RAPGEF6: variants seen among roughly 807,000 people sequenced by gnomAD.
The protein encoded by RAPGEF6 is Rap guanine nucleotide exchange factor 6.
A neutral mutation model predicts 171.4 loss-of-function variants in RAPGEF6; 56 were observed. That is an observed-to-expected ratio of 0.33 (90% CI 0.26 to 0.41). The LOEUF is 0.41. Among genes scored for constraint, RAPGEF6 ranks in the 10% least tolerant of loss-of-function variants. The pLI is 1.00. For missense variants in RAPGEF6, 1,674 were observed against 1,921.4 expected (o/e 0.87, Z 2.41); for synonymous variants, 692 against 650.1 (o/e 1.06, Z -0.98).
At chr5:131,486,725 A>ATT (rs1561502894) in intron 15 of RAPGEF6, among the ~76,000 whole-genome samples, 1 of 115,906 alleles carries the variant, frequency 8.6e-6, no homozygotes, top group African/African-American at 3.0e-5. Flanking sequence ...TCAAGGGATA[A>ATT]ATTTTTTTTT....
chr5:131,483,169 T>C (rs962879787), intron 15 of RAPGEF6, among the ~76,000 whole-genome samples: 1 of 151,746 alleles, frequency 6.6e-6, no homozygotes, highest in African/African-American at 2.4e-5. Flanking sequence ...GCCAAAATGG[T>C]GAAACTCCAT....
chr5:131,512,784 G>A (rs1330638928), intron 7 of RAPGEF6, among the ~76,000 whole-genome samples: 4 of 152,102 alleles, frequency 2.6e-5, no homozygotes, highest in Admixed American at 2.6e-4. Flanking sequence ...CTCACGAATG[G>A]GATTAGTATA....
rs1751370023 is a variant in RAPGEF6, at chr5:131,425,869, C to T, written c.*1397G>A. 1 of 136,620 alleles carries T rather than the reference C, an allele frequency of 7.3e-6. No homozygotes were observed. Among genetic ancestry groups the T allele is most frequent in the Non-Finnish European group, 1.5e-5 (1 of 65,882 alleles). The allele number at this position is 136,620 out of a possible 1,614,324, so 8.5% of individuals were successfully genotyped here. A position where few individuals can be genotyped will look rare whatever the true frequency, so the allele number is the denominator to read the frequency against. On this transcript the variant is annotated 3_prime_UTR_variant, in exon 28 of 28. Coordinates refer to ENST00000509018, the MANE Select transcript of RAPGEF6 (RefSeq NM_016340.6). ...TGGCTCCAAGTTGATCTGGGTAGTG[C>T]ACGTTAATGGCTTTGGCTTTTTTTT...
At chr5:131,583,415 T>A (rs1763078628) in intron 4 of RAPGEF6, among the ~76,000 whole-genome samples, 1 of 152,244 alleles carries the variant, frequency 6.6e-6, no homozygotes, top group Non-Finnish European at 1.5e-5. Context: ...AGGCAAGGAT[T>A]AAGTCACACC....
chr5:131,473,955 A>G (rs964748886), intron 16 of RAPGEF6, among the ~76,000 whole-genome samples: 5 of 152,178 alleles, frequency 3.3e-5, no homozygotes, highest in Admixed American at 1.3e-4. Context: ...TAGTGTTTCA[A>G]GGGCAAGCTT....
chr5:131,440,737 CAAAAAAAAAAAAAA>C (rs1168441695), intron 23 of RAPGEF6, among the ~76,000 whole-genome samples: 4 of 66,858 alleles, frequency 6.0e-5, no homozygotes, highest in East Asian at 3.9e-4. Flanking sequence ...GACTCTGTCT[CAAAAAAAAAAAAAA>C]AAAAAAAAAA....
At chr5:131,627,324 CAACT>C (rs1765997378) in intron 1 of RAPGEF6, among the ~76,000 whole-genome samples, 1 of 152,154 alleles carries the variant, frequency 6.6e-6, no homozygotes. Context: ...TAGCCTATAA[CAACT>C]AACTGAAACC....
chr5:131,614,681 G>A (rs534732940), intron 1 of RAPGEF6, among the ~76,000 whole-genome samples: 4 of 152,206 alleles, frequency 2.6e-5, no homozygotes, highest in African/African-American at 7.2e-5. Context: ...CCATATCAAG[G>A]GTCTACAACA....
chr5:131,602,433 A>C (rs571267467), intron 3 of RAPGEF6, among the ~76,000 whole-genome samples: 4 of 152,312 alleles, frequency 2.6e-5, no homozygotes, highest in African/African-American at 9.6e-5. Context: ...AAATAACAGA[A>C]TGTTAATAGA....
At chr5:131,522,437 ATTGC>A (rs1392865193) in intron 6 of RAPGEF6, among the ~76,000 whole-genome samples, 1 of 152,204 alleles carries the variant, frequency 6.6e-6, no homozygotes, top group African/African-American at 2.4e-5. Context: ...AGGGTTCCTC[ATTGC>A]TTTACTAATG....
intron 15 of RAPGEF6, among the ~76,000 whole-genome samples, chr5:131,481,426 G>A (rs866347449): frequency 6.6e-6 from 1 of 150,830 alleles, no homozygotes; most frequent in Admixed American, 6.6e-5. Flanking sequence ...ATGGGGTTTC[G>A]ACATGTTGCC....
intron 4 of RAPGEF6, among the ~76,000 whole-genome samples, chr5:131,585,034 AGCATAAGG>A (rs1763163329): frequency 1.3e-5 from 2 of 152,236 alleles, no homozygotes; most frequent in Admixed American, 1.3e-4. Flanking sequence ...ATGGCCAATA[AGCATAAGG>A]GCATAAGGAA....
At chr5:131,631,429 C>G (rs1444441491) in intron 1 of RAPGEF6, among the ~76,000 whole-genome samples, 1 of 152,166 alleles carries the variant, frequency 6.6e-6, no homozygotes, top group Non-Finnish European at 1.5e-5. Context: ...TGATTCTTCT[C>G]TTTTCCTCAA....
At chr5:131,489,468 C>G in intron 15 of RAPGEF6, 78 bp downstream of exon 15, 3 of 796,066 alleles carry the variant, frequency 3.8e-6, no homozygotes, top group Non-Finnish European at 6.1e-6. Flanking sequence ...ATTTTACTAT[C>G]TTTTCTTCCA....
intron 17 of RAPGEF6, 81 bp from the exon 18 acceptor site, chr5:131,464,362 T>G: frequency 9.7e-7 from 1 of 1,029,730 alleles, no homozygotes; most frequent in Non-Finnish European, 1.5e-6. Flanking sequence ...TGAAACACAG[T>G]GATCCCTCTG....
At chr5:131,482,469 A>AT (rs1755554446) in intron 15 of RAPGEF6, among the ~76,000 whole-genome samples, 1 of 151,828 alleles carries the variant, frequency 6.6e-6, no homozygotes, top group Non-Finnish European at 1.5e-5. Flanking sequence ...CACCCAGCTC[A>AT]TTTTTTCTAT....
chr5:131,598,167 T>C (rs1486002484), intron 3 of RAPGEF6, among the ~76,000 whole-genome samples: 1 of 152,074 alleles, frequency 6.6e-6, no homozygotes. Flanking sequence ...AAATCTAGAA[T>C]TGAAAAACTA....
Position 131,472,590 on chromosome 5 carries a change from A to C in RAPGEF6, c.2236T>G (p.Ser746Ala). Residue 746 changes from serine to alanine, a missense_variant, in exon 17 of 28, where the codon TCA (serine) becomes GCA (alanine). Around this residue, in one of 3 missense-constraint regions of RAPGEF6, gnomAD observed 1,116 missense variants for 1,321.5 expected, o/e 0.84. Coordinates refer to ENST00000509018, the MANE Select transcript of RAPGEF6 (RefSeq NM_016340.6). ...TTSMLDFSNP[S>A]DIPDQVIRVF... is the part of the protein sequence containing the mutation. ...TAAAATCACATATGAAAATTACCTG[A>C]AGGATTGGAAAAATCCAACATACTG... 1 of 1,613,544 alleles carries C rather than the reference A, an allele frequency of 6.2e-7. No individual in the cohort carries two copies. Among genetic ancestry groups the C allele is most frequent in the African/African-American group, 1.3e-5 (1 of 75,024 alleles).
chr5:131,460,002 T>C (rs1241597318), intron 19 of RAPGEF6, among the ~76,000 whole-genome samples: 1 of 152,210 alleles, frequency 6.6e-6, no homozygotes, highest in Non-Finnish European at 1.5e-5. Flanking sequence ...TTGCCATCTC[T>C]GCTGAAAAGA....
Sources: allele counts gnomAD v4.1 joint callset (sites outside exome capture counted in the v4.1 genomes callset), GRCh38; gene constraint gnomAD v4.1.1; regional missense constraint gnomAD v4.1.1; transcripts MANE v1.5; gene names NCBI Gene and HGNC (gene_info 2026-07-23, HGNC 2026-07-21).